Variants in PAN3 observed in about 807,000 individuals in gnomAD.
PAN3 encodes the protein PAN2-PAN3 deadenylation complex subunit PAN3.
In PAN3, 19 loss-of-function variants were observed where a neutral mutation model predicts 96.2. The ratio of observed to expected loss-of-function variants is 0.20; its 90% confidence interval spans 0.14 to 0.29. The LOEUF (loss-of-function observed/expected upper bound fraction) is 0.29, where lower values mean the gene tolerates loss of function less well. Ranked by LOEUF, PAN3 falls within the 10% of genes least tolerant of loss-of-function variation. The probability of loss-of-function intolerance (pLI) is 1.00; values close to 1 mark genes in which losing one functional copy is unlikely to be tolerated. For synonymous variants in PAN3, 433 were observed against 406.6 expected, an observed-to-expected ratio of 1.06 and a Z score of -0.78; for missense variants, 882 against 1,108.1, an observed-to-expected ratio of 0.80 and a Z score of 2.90.
intron 1 of PAN3, among the ~76,000 whole-genome samples, chr13:28,172,195 C>G (rs1201380407): frequency 6.6e-6 from 1 of 152,206 alleles, no homozygotes; most frequent in Non-Finnish European, 1.5e-5. Flanking sequence ...GTGGCTCACG[C>G]CTGTAATCCC....
chr13:28,253,724 C>T (rs992699039), intron 6 of PAN3, among the ~76,000 whole-genome samples: 1 of 151,846 alleles, frequency 6.6e-6, no homozygotes, highest in Non-Finnish European at 1.5e-5. Flanking sequence ...ATCCTCCTGC[C>T]TCAGTCCCCC....
At chr13:28,232,791 C>T (rs1460708512) in intron 6 of PAN3, among the ~76,000 whole-genome samples, 1 of 151,978 alleles carries the variant, frequency 6.6e-6, no homozygotes, top group African/African-American at 2.4e-5. Context: ...GTGAGCAACC[C>T]TTATCCAAAA....
chr13:28,280,324 A>G, intron 15 of PAN3, 88 bp from the exon 16 acceptor site: 1 of 1,418,040 alleles, frequency 7.1e-7, no homozygotes, highest in Non-Finnish European at 9.5e-7. Flanking sequence ...TGCTAAGATG[A>G]CGGCAGCCAA....
intron 6 of PAN3, chr13:28,232,671 A>G (rs1882701413): frequency 1.3e-5 from 2 of 152,092 alleles, no homozygotes; most frequent in Non-Finnish European, 2.9e-5. Context: ...TGTATTGAGA[A>G]TTTAATTTCC....
At chr13:28,289,743 A>G (rs577515301) in intron 18 of PAN3, among the ~76,000 whole-genome samples, 78 of 152,280 alleles carry the variant, frequency 5.1e-4, no homozygotes, top group Middle Eastern at 3.4e-3. Flanking sequence ...TTAGCCGGGC[A>G]TGGTGACAGG....
At chr13:28,215,718 A>G (rs749832573) in intron 5 of PAN3, 137 of 1,497,986 alleles carry the variant, frequency 9.1e-5, no homozygotes, top group Non-Finnish European at 1.2e-4. Flanking sequence ...CATTGTTGAT[A>G]TAGTTCCTGG....
chr13:28,182,310 TA>T (rs1875893031), intron 4 of PAN3, among the ~76,000 whole-genome samples: 1 of 152,230 alleles, frequency 6.6e-6, no homozygotes, highest in African/African-American at 2.4e-5. Flanking sequence ...TTTCTCCTTT[TA>T]TATCTTTCTG....
intron 5 of PAN3, among the ~76,000 whole-genome samples, chr13:28,217,090 G>A (rs1880870895): frequency 6.6e-6 from 1 of 151,074 alleles, no homozygotes; most frequent in Admixed American, 6.6e-5. Flanking sequence ...CTCCAGCCTG[G>A]GTGACAGAGT....
chr13:28,164,271 A>G (rs867707862), intron 1 of PAN3, among the ~76,000 whole-genome samples: 34 of 152,122 alleles, frequency 2.2e-4, no homozygotes, highest in African/African-American at 6.8e-4. Context: ...TATGATTTTC[A>G]TTTTATAATT....
Position 28,241,511 on chromosome 13 carries a change from A to G in PAN3, c.1001-14781A>G, listed in dbSNP as rs552695120. Among the ~76,000 whole-genome samples the G allele has an allele frequency of 1.4e-4, 21 of 152,322 alleles. No individual in the cohort carries two copies. The South Asian group carries it at 3.5e-3, about 26-fold the overall frequency. Reference sequence around the variant, plus strand: ...TCTGAGGAATAAAGCTTGTCTCTGAAGCACTGAAATAACAAGTGGTGGTGG... The same window carrying G: ...TCTGAGGAATAAAGCTTGTCTCTGAGGCACTGAAATAACAAGTGGTGGTGG... On this transcript the variant is annotated intron_variant, in intron 6 of 18. Coordinates refer to ENST00000380958, the MANE Select transcript of PAN3 (RefSeq NM_175854.8).
At chr13:28,184,763 C>G (rs778905747) in intron 4 of PAN3, among the ~76,000 whole-genome samples, 51 of 152,006 alleles carry the variant, frequency 3.4e-4, no homozygotes, top group Non-Finnish European at 6.9e-4. Flanking sequence ...GTGTTGTAGA[C>G]TTCTCTTTTA....
intron 6 of PAN3, among the ~76,000 whole-genome samples, chr13:28,247,511 G>T: frequency 6.6e-6 from 1 of 152,082 alleles, no homozygotes; most frequent in East Asian, 1.9e-4. Flanking sequence ...TCTTTGCCCA[G>T]ACTGATGTCC....
At chr13:28,250,219 C>T (rs141821134) in intron 6 of PAN3, among the ~76,000 whole-genome samples, 2 of 146,684 alleles carry the variant, frequency 1.4e-5, no homozygotes, top group East Asian at 3.9e-4. Flanking sequence ...TTTTTTTAAA[C>T]AGCATCTCTC....
intron 1 of PAN3, among the ~76,000 whole-genome samples, chr13:28,157,578 G>A (rs1235630158): frequency 5.3e-5 from 8 of 152,174 alleles, no homozygotes; most frequent in Non-Finnish European, 7.3e-5. Flanking sequence ...TCCAAGCTGA[G>A]TGCCAAATCA....
chr13:28,247,005 C>T (rs529763883), intron 6 of PAN3, among the ~76,000 whole-genome samples: 17 of 152,256 alleles, frequency 1.1e-4, no homozygotes, highest in Middle Eastern at 3.4e-3. Context: ...ATACTGTTTT[C>T]CATAGTGGCT....
intron 6 of PAN3, among the ~76,000 whole-genome samples, chr13:28,235,682 T>TATAC (rs763764468): frequency 4.0e-5 from 5 of 123,516 alleles, no homozygotes; most frequent in African/African-American, 1.7e-4. Context: ...TTCTCTAATA[T>TATAC]ACACACACAC....
At chr13:28,292,217 T>C (rs1018647486) in intron 18 of PAN3, among the ~76,000 whole-genome samples, 165 bp from the exon 19 acceptor site, 1 of 152,088 alleles carries the variant, frequency 6.6e-6, no homozygotes, top group Non-Finnish European at 1.5e-5. Context: ...AATGTCTGAG[T>C]CGAAAATTAT....
intron 18 of PAN3, among the ~76,000 whole-genome samples, chr13:28,288,354 C>T (rs949080624): frequency 2.0e-5 from 3 of 152,154 alleles, no homozygotes; most frequent in African/African-American, 4.8e-5. Flanking sequence ...GGCTGGAGTG[C>T]AGTGGCCTGA....
intron 1 of PAN3, among the ~76,000 whole-genome samples, chr13:28,144,718 CT>C (rs1555267660): frequency 0.024 from 1,136 of 46,738 alleles, 32 homozygotes; most frequent in African/African-American, 0.075. Context: ...AAAACATCAT[CT>C]TTTTTTTTTT....
Sources: gnomAD v4.1 joint callset for allele counts (sites outside exome capture counted in the v4.1 genomes callset) on GRCh38, gnomAD v4.1.1 for gene constraint, MANE v1.5 for transcripts, NCBI Gene and HGNC (gene_info 2026-07-23, HGNC 2026-07-21) for gene names.